The following SPOCK1 variants were observed in gnomAD, a reference collection of about 807,000 sequenced individuals.
SPOCK1 encodes the protein testican-1.
In SPOCK1, 23 loss-of-function variants were observed where a neutral mutation model predicts 55.3. That is an observed-to-expected ratio of 0.42 (90% CI 0.30 to 0.59). The LOEUF (loss-of-function observed/expected upper bound fraction) is 0.59. SPOCK1 is among the 20% of genes least tolerant of loss of function. SPOCK1 has a pLI of 0.22. For synonymous variants in SPOCK1, 226 were observed against 221.0 expected, an observed-to-expected ratio of 1.02 and a Z score of -0.20; for missense variants, 499 against 552.5, an observed-to-expected ratio of 0.90 and a Z score of 0.97.
intron 2 of SPOCK1, among the ~76,000 whole-genome samples, chr5:137,267,940 T>C (rs1424781230): frequency 3.9e-5 from 6 of 152,222 alleles, no homozygotes; most frequent in Admixed American, 3.9e-4. Flanking sequence ...ATTTGTCCCT[T>C]TGTAGTTAAT....
intron 4 of SPOCK1, among the ~76,000 whole-genome samples, chr5:137,132,223 A>G (rs1353597022): frequency 6.8e-6 from 1 of 146,940 alleles, no homozygotes; most frequent in African/African-American, 2.5e-5. Context: ...GGAATTTTGT[A>G]CTCAAGATGG....
chr5:137,122,742 A>G (rs1753709793), intron 4 of SPOCK1, among the ~76,000 whole-genome samples: 1 of 152,250 alleles, frequency 6.6e-6, no homozygotes, highest in African/African-American at 2.4e-5. Context: ...ATTCCAGCTA[A>G]TTGTAGGCTC....
chr5:137,210,397 T>C (rs917680936), intron 3 of SPOCK1, among the ~76,000 whole-genome samples: 2 of 152,184 alleles, frequency 1.3e-5, no homozygotes, highest in Non-Finnish European at 2.9e-5. Context: ...TAAGGCAATA[T>C]CACATCTTAG....
At chr5:137,211,663 G>A (rs1360239396) in intron 3 of SPOCK1, among the ~76,000 whole-genome samples, 3 of 152,166 alleles carry the variant, frequency 2.0e-5, no homozygotes, top group African/African-American at 7.2e-5. Context: ...GGAATGAATA[G>A]AGGGTTGGGA....
At chr5:137,131,885 T>C (rs1753886296) in intron 4 of SPOCK1, among the ~76,000 whole-genome samples, 1 of 140,972 alleles carries the variant, frequency 7.1e-6, no homozygotes, top group Non-Finnish European at 1.5e-5. Context: ...GGCAGGAGAA[T>C]GGCGTGAACC....
intron 3 of SPOCK1, among the ~76,000 whole-genome samples, chr5:137,158,922 G>A (rs1353478799): frequency 6.6e-6 from 1 of 152,168 alleles, no homozygotes; most frequent in Non-Finnish European, 1.5e-5. Flanking sequence ...CTCCACAGGG[G>A]AAATATGGCT....
intron 6 of SPOCK1, among the ~76,000 whole-genome samples, chr5:137,061,617 C>G (rs2127003030): frequency 6.6e-6 from 1 of 152,286 alleles, no homozygotes; most frequent in African/African-American, 2.4e-5. Context: ...AAGTGGGTAA[C>G]AGTTCCACAG....
intron 5 of SPOCK1, among the ~76,000 whole-genome samples, chr5:137,097,698 T>C (rs983536694): frequency 2.0e-5 from 3 of 152,170 alleles, no homozygotes; most frequent in South Asian, 2.1e-4. Flanking sequence ...CTGATTTCAC[T>C]AACAAAAACT....
chr5:137,193,341 G>A (rs1755225795), intron 3 of SPOCK1, among the ~76,000 whole-genome samples: 1 of 152,162 alleles, frequency 6.6e-6, no homozygotes, highest in African/African-American at 2.4e-5. Context: ...CTTGGGGATT[G>A]ACTGGGACGT....
At chr5:137,268,097 G>C (rs746732079) in intron 2 of SPOCK1, among the ~76,000 whole-genome samples, 37 of 152,184 alleles carry the variant, frequency 2.4e-4, no homozygotes, top group Admixed American at 6.5e-5. Flanking sequence ...TGTCCATGCT[G>C]TGTTCTGATG....
intron 6 of SPOCK1, among the ~76,000 whole-genome samples, chr5:137,003,815 G>A (rs1445434899): frequency 6.6e-6 from 1 of 152,204 alleles, no homozygotes; most frequent in Non-Finnish European, 1.5e-5. Flanking sequence ...ATTGGTGGAG[G>A]ACCAAGCCTG....
At chr5:137,023,782 G>C (rs1214315908) in intron 6 of SPOCK1, among the ~76,000 whole-genome samples, 1 of 152,000 alleles carries the variant, frequency 6.6e-6, no homozygotes, top group Non-Finnish European at 1.5e-5. Flanking sequence ...TGCTCTCACA[G>C]AAATGAAGGA....
intron 3 of SPOCK1, among the ~76,000 whole-genome samples, chr5:137,161,106 C>A (rs891403313): frequency 4.2e-5 from 6 of 144,180 alleles, no homozygotes; most frequent in Admixed American, 7.1e-5. Flanking sequence ...ATATATATAT[C>A]TAATATATAA....
At chr5:137,483,167 C>T (rs1753984476) in intron 2 of SPOCK1, among the ~76,000 whole-genome samples, 1 of 152,018 alleles carries the variant, frequency 6.6e-6, no homozygotes, top group African/African-American at 2.4e-5. Context: ...ACTCTGTCTC[C>T]ACTACAAATA....
At chr5:137,178,653 C>A (rs1754906752) in intron 3 of SPOCK1, among the ~76,000 whole-genome samples, 1 of 152,188 alleles carries the variant, frequency 6.6e-6, no homozygotes, top group Non-Finnish European at 1.5e-5. Context: ...ACCAGCCCAA[C>A]CAACTCCCCT....
chr5:137,260,695 G>A (rs1397331562), intron 3 of SPOCK1, among the ~76,000 whole-genome samples: 1 of 152,202 alleles, frequency 6.6e-6, no homozygotes, highest in Non-Finnish European at 1.5e-5. Context: ...AAACATCAAG[G>A]CAGAGAGACT....
chr5:137,204,529 A>C (rs1435835508), intron 3 of SPOCK1, among the ~76,000 whole-genome samples: 3 of 151,650 alleles, frequency 2.0e-5, no homozygotes, highest in African/African-American at 7.3e-5. Context: ...AATTCACCTC[A>C]TTTCTCTCAT....
chr5:137,287,860 G>A (rs1757297115), intron 2 of SPOCK1, among the ~76,000 whole-genome samples: 1 of 152,186 alleles, frequency 6.6e-6, no homozygotes, highest in Non-Finnish European at 1.5e-5. Context: ...GTACCTACAT[G>A]GGGAGAGAAG....
chr5:136,984,774 T>C (rs2126959891), intron 9 of SPOCK1, among the ~76,000 whole-genome samples: 1 of 152,290 alleles, frequency 6.6e-6, no homozygotes, highest in South Asian at 2.1e-4. Context: ...ATCCGGGGAA[T>C]GGAGGAAATG....
Sources: allele counts gnomAD v4.1 joint callset (sites outside exome capture counted in the v4.1 genomes callset), GRCh38; gene constraint gnomAD v4.1.1; transcripts MANE v1.5; gene names NCBI Gene and HGNC (gene_info 2026-07-23, HGNC 2026-07-21).